The following TNNI3K variants were observed in gnomAD, a reference collection of about 807,000 sequenced individuals.
TNNI3K encodes the protein TNNI3 interacting kinase, also known as serine/threonine-protein kinase TNNI3K.
Under a neutral mutation model 114.5 loss-of-function variants are expected in TNNI3K, and 140 were observed. The observed-to-expected ratio is 1.22, with a 90% confidence interval of 1.07 to 1.41. TNNI3K has a LOEUF of 1.41. Among genes scored for constraint, TNNI3K ranks in the 40% most tolerant of loss-of-function variants. TNNI3K has a pLI of 0.00. For missense variants in TNNI3K, 1,125 were observed against 1,007.6 expected (o/e 1.12, Z -1.58); for synonymous variants, 347 against 347.5 (o/e 1.00, Z 0.02).
intron 17 of TNNI3K, among the ~76,000 whole-genome samples, chr1:74,385,034 T>C (rs928744024): frequency 2.0e-5 from 3 of 152,138 alleles, no homozygotes; most frequent in Admixed American, 1.3e-4. Context: ...CAGCTACTCC[T>C]CACTCCTCCT....
chr1:74,466,356 G>T (rs529817665), intron 21 of TNNI3K, among the ~76,000 whole-genome samples: 1 of 152,142 alleles, frequency 6.6e-6, no homozygotes, highest in Non-Finnish European at 1.5e-5. Flanking sequence ...TAATATCAAT[G>T]TAAAGATAGG....
chr1:74,253,010 T>C (rs1290259285), intron 4 of TNNI3K, among the ~76,000 whole-genome samples: 1 of 152,148 alleles, frequency 6.6e-6, no homozygotes, highest in Non-Finnish European at 1.5e-5. Context: ...TACAGAGAGC[T>C]GATTGGTCCA....
chr1:74,254,646 T>G (rs1280074847), intron 4 of TNNI3K, among the ~76,000 whole-genome samples: 1 of 152,202 alleles, frequency 6.6e-6, no homozygotes, highest in African/African-American at 2.4e-5. Flanking sequence ...GCTCTTTCAA[T>G]TATACACCCT....
chr1:74,536,092 TACATTA>T (rs1646658121), intron 23 of TNNI3K, among the ~76,000 whole-genome samples: 1 of 152,186 alleles, frequency 6.6e-6, no homozygotes, highest in Admixed American at 6.6e-5. Flanking sequence ...GCCTATAATG[TACATTA>T]ACTCACTAGC....
At chr1:74,396,012 G>T (rs148481627) in intron 17 of TNNI3K, among the ~76,000 whole-genome samples, 6,641 of 152,272 alleles carry the variant, frequency 0.044, 199 homozygotes, top group Admixed American at 0.061. Context: ...CACAAGAGGA[G>T]ATGGGTTATG....
intron 11 of TNNI3K, among the ~76,000 whole-genome samples, chr1:74,364,599 G>C (rs1446620655): frequency 7.2e-5 from 11 of 151,848 alleles, no homozygotes; most frequent in Admixed American, 7.2e-4. Flanking sequence ...TGTTGGAACT[G>C]TAAGTAGGCT....
intron 20 of TNNI3K, among the ~76,000 whole-genome samples, chr1:74,443,847 G>C (rs1478017910): frequency 1.3e-5 from 2 of 152,154 alleles, no homozygotes; most frequent in Non-Finnish European, 2.9e-5. Flanking sequence ...ATGTAAGGCT[G>C]GTTCAGCATA....
intron 5 of TNNI3K, among the ~76,000 whole-genome samples, chr1:74,296,823 G>T (rs1381072258): frequency 2.0e-5 from 3 of 152,048 alleles, no homozygotes; most frequent in Non-Finnish European, 4.4e-5. Context: ...TGATAGTATT[G>T]TGTCTTTTAA....
chr1:74,436,407 A>C, intron 18 of TNNI3K, 67 bp from the exon 19 acceptor site: 2 of 1,499,928 alleles, frequency 1.3e-6, no homozygotes, highest in Non-Finnish European at 1.8e-6. Flanking sequence ...TCAAAATTTT[A>C]ACTGTGATCT....
At chr1:74,447,273 A>T (rs1450318774) in intron 20 of TNNI3K, among the ~76,000 whole-genome samples, 1 of 149,008 alleles carries the variant, frequency 6.7e-6, no homozygotes, top group Non-Finnish European at 1.5e-5. Context: ...TGTAAGTTGG[A>T]TTCCTAGGTA....
In TNNI3K at chr1:74,544,230, A is replaced by T. The variant is rs1646761118; in HGVS notation, c.*248A>T. ...TGTTTTTAATTTTGTAAATTAAAAA[A>T]AAATTTAGATCGTTACTTGGAAATG... On this transcript the variant is annotated 3_prime_UTR_variant, in exon 25 of 25. Transcript: ENST00000326637. 2.4e-6 allele frequency: 1 copy of T among 415,220 alleles called. No individual in the cohort carries two copies. Among genetic ancestry groups the T allele is most frequent in the East Asian group, 4.5e-5 (1 of 22,206 alleles). The allele number at this position is 415,220 out of a possible 1,614,324, so 25.7% of individuals were successfully genotyped here. A position where few individuals can be genotyped will look rare whatever the true frequency, so the allele number is the denominator to read the frequency against.
chr1:74,418,522 T>C lies in TNNI3K; in HGVS notation c.1773-17558T>C, dbSNP rs138658198. ...AAGCATTGTCAAAAGAATTTTATTA[T>C]AGTCCAATGTGAATTGTCTATCTTT... On this transcript the variant is annotated intron_variant, in intron 17 of 24. Coordinates refer to ENST00000326637, the MANE Select transcript of TNNI3K (RefSeq NM_015978.3). Among the ~76,000 whole-genome samples the C allele has an allele frequency of 1.3e-3, 197 of 152,244 alleles. 1 individual carries two copies. Among genetic ancestry groups the C allele is most frequent in the African/African-American group, 4.5e-3 (188 of 41,582 alleles).
intron 23 of TNNI3K, among the ~76,000 whole-genome samples, chr1:74,522,681 A>G (rs1270896536): frequency 6.6e-6 from 1 of 152,038 alleles, no homozygotes; most frequent in African/African-American, 2.4e-5. Flanking sequence ...AGAAAGAGAG[A>G]AATGCCCCAG....
chr1:74,492,386 G>T, intron 23 of TNNI3K, 120 bp downstream of exon 23: 1 of 1,252,728 alleles, frequency 8.0e-7, no homozygotes, highest in Non-Finnish European at 1.0e-6. Context: ...CTTTGAAAGA[G>T]GAGTTTTCAG....
At chr1:74,349,141 C>CAG (rs1661189464) in intron 9 of TNNI3K, among the ~76,000 whole-genome samples, 2 of 152,054 alleles carry the variant, frequency 1.3e-5, no homozygotes, top group Admixed American at 1.3e-4. Context: ...GTTTGTCATG[C>CAG]ATAGCTCTTA....
chr1:74,396,595 G>T (rs779976145), intron 17 of TNNI3K, among the ~76,000 whole-genome samples: 7 of 152,190 alleles, frequency 4.6e-5, no homozygotes, highest in Non-Finnish European at 1.0e-4. Flanking sequence ...ATTTGGGAGA[G>T]ACAGCATCCG....
chr1:74,428,339 G>A (rs1048357521), intron 17 of TNNI3K, among the ~76,000 whole-genome samples: 2 of 151,954 alleles, frequency 1.3e-5, no homozygotes, highest in African/African-American at 4.8e-5. Flanking sequence ...CAGAACCAAG[G>A]GTATATACGA....
intron 21 of TNNI3K, among the ~76,000 whole-genome samples, chr1:74,465,808 C>T (rs111994973): frequency 0.014 from 2,093 of 152,214 alleles, 40 homozygotes; most frequent in African/African-American, 0.048. Context: ...GCTCAGGGAC[C>T]GTAAACACAC....
Position 74,271,706 on chromosome 1 carries a change from G to A in TNNI3K, c.442G>A (p.Glu148Lys). ...TATTGCTACAATAGCTGGCCACCTA[G>A]AGGTAAGTCATGCCTTTGGCACCTG... The part of the protein sequence containing the change: ...LHIATIAGHL[E>K]AADVLLQHGA... Residue 148 changes from glutamate (E) to lysine (K), a missense_variant and splice_region_variant, in exon 5 of 25, where the codon GAG becomes AAG. Coordinates refer to ENST00000326637, the MANE Select transcript of TNNI3K (RefSeq NM_015978.3). 1 of 1,605,320 alleles carries A rather than the reference G, an allele frequency of 6.2e-7. No homozygotes were observed. The highest frequency in any genetic ancestry group is 1.1e-5 in the South Asian group (1 of 89,368).
Sources: gnomAD v4.1 joint callset for allele counts (sites outside exome capture counted in the v4.1 genomes callset) on GRCh38, gnomAD v4.1.1 for gene constraint, MANE v1.5 for transcripts, NCBI Gene and HGNC (gene_info 2026-07-23, HGNC 2026-07-21) for gene names.